PIP5K1C: variants seen among roughly 807,000 people sequenced by gnomAD.
PIP5K1C encodes the protein phosphatidylinositol 4-phosphate 5-kinase type-1 gamma.
Under a neutral mutation model 80.1 loss-of-function variants are expected in PIP5K1C, and 45 were observed. The observed-to-expected ratio is 0.56, with a 90% CI of 0.44 to 0.72. The LOEUF (loss-of-function observed/expected upper bound fraction) is 0.72, where lower values mean the gene tolerates loss of function less well. PIP5K1C is among the 30% of genes least tolerant of loss of function. PIP5K1C has a pLI of 0.00. For missense variants in PIP5K1C, 753 were observed against 954.6 expected (o/e 0.79, Z 2.78); for synonymous variants, 498 against 420.1 (o/e 1.19, Z -2.27).
intron 5 of PIP5K1C, among the ~76,000 whole-genome samples, chr19:3,658,387 T>C (rs954053449): frequency 6.6e-6 from 1 of 152,238 alleles, no homozygotes; most frequent in African/African-American, 2.4e-5. Context: ...AGGCCACTGC[T>C]GTCGCCCAGC....
intron 1 of PIP5K1C, among the ~76,000 whole-genome samples, chr19:3,679,539 G>A (rs182914494): frequency 9.2e-5 from 14 of 152,302 alleles, no homozygotes; most frequent in Admixed American, 2.0e-4. Flanking sequence ...TCTCGTTCAC[G>A]GTTGCTCTCC....
rs758011657 is a variant in PIP5K1C at position 3,653,557 on chromosome 19, G to C, written c.654C>G (p.Pro218=). ...GCACGCAGTACAGCCCATAGAACTTGGGCAGCAGCGTCCGCGGGTTCTGGT... is the reference window on the plus strand; with the variant it reads ...GCACGCAGTACAGCCCATAGAACTTCGGCAGCAGCGTCCGCGGGTTCTGGT... ...NLNQNPRTLL[P]KFYGLYCVQS... is the part of the protein sequence containing the mutation. Residue 218 remains proline (P), a synonymous_variant, in exon 7 of 18, where the codon CCC becomes CCG. Coordinates refer to ENST00000335312, the MANE Select transcript of PIP5K1C (RefSeq NM_012398.3). 7.5e-6 allele frequency: 12 copies of C among 1,609,754 alleles called. No homozygotes were observed. The highest frequency in any genetic ancestry group is 1.3e-5 in the African/African-American group (1 of 74,868).
At chr19:3,689,754 G>A (rs1369311874) in intron 1 of PIP5K1C, among the ~76,000 whole-genome samples, 1 of 152,074 alleles carries the variant, frequency 6.6e-6, no homozygotes, top group Non-Finnish European at 1.5e-5. Context: ...CAAATGGCCT[G>A]ACATAATCAC....
At chr19:3,635,979 CAAAA>C (rs778016991) in intron 16 of PIP5K1C, among the ~76,000 whole-genome samples, 90 of 151,014 alleles carry the variant, frequency 6.0e-4, no homozygotes, top group Non-Finnish European at 8.4e-4. Context: ...GACTCTGTCT[CAAAA>C]AACAAACAAA....
At chr19:3,654,232 G>A (rs1190342321) in intron 6 of PIP5K1C, among the ~76,000 whole-genome samples, 2 of 152,236 alleles carry the variant, frequency 1.3e-5, no homozygotes, top group Non-Finnish European at 2.9e-5. Flanking sequence ...GTCCCCAGGC[G>A]CAGTGACGAG....
At chr19:3,642,854 G>A in intron 14 of PIP5K1C, 53 bp downstream of exon 14, 1 of 1,459,994 alleles carries the variant, frequency 6.8e-7, no homozygotes, top group South Asian at 1.1e-5. Context: ...GGAGCTGGGA[G>A]CTGTGCAGGA....
chr19:3,637,565 G>T lies in PIP5K1C; in HGVS notation c.1920+1319C>A. 1 of 1,534,382 alleles carries T rather than the reference G, an allele frequency of 6.5e-7. No individual in the cohort carries two copies. The highest frequency in any genetic ancestry group is 1.2e-5 in the South Asian group (1 of 83,970). On this transcript the variant is annotated intron_variant, in intron 16 of 17. Coordinates refer to ENST00000335312, the MANE Select transcript of PIP5K1C (RefSeq NM_012398.3). The surrounding 1 kb of genome is among the most constrained non-coding windows in gnomAD (Gnocchi z 7.0). ...CCCGAGGCGCTCAGCGTCACGGCCCGCAGTCGGCGATGGCGGGGAGAGTAA... is the reference window on the plus strand; with the variant it reads ...CCCGAGGCGCTCAGCGTCACGGCCCTCAGTCGGCGATGGCGGGGAGAGTAA...
rs1312471396 is a variant in PIP5K1C, at chr19:3,632,944, G to A, written c.*223C>T. 2 of 532,252 alleles carry A rather than the reference G, an allele frequency of 3.8e-6. No individual in the cohort carries two copies. The highest frequency in any genetic ancestry group is 6.6e-6 in the Non-Finnish European group (2 of 301,152). The allele number at this position is 532,252 out of a possible 1,614,324, so 33.0% of individuals were successfully genotyped here. On this transcript the variant is annotated 3_prime_UTR_variant, in exon 18 of 18. Coordinates refer to ENST00000335312, the MANE Select transcript of PIP5K1C (RefSeq NM_012398.3). ...TCAAATGCGATTGGCCGCTCGGGAG[G>A]GTGGGTCTCACAGGGGCAGGCTGCC...
chr19:3,642,385 C>T (rs898000676), intron 14 of PIP5K1C, among the ~76,000 whole-genome samples: 6 of 152,244 alleles, frequency 3.9e-5, no homozygotes, highest in Non-Finnish European at 7.3e-5. Flanking sequence ...GATGGAAGGA[C>T]GGCACGCAGG....
intron 16 of PIP5K1C, among the ~76,000 whole-genome samples, chr19:3,633,768 G>A (rs961190528): frequency 6.6e-6 from 1 of 152,158 alleles, no homozygotes; most frequent in South Asian, 2.1e-4. Flanking sequence ...AGTTAGTTCA[G>A]TCGAGGCAGG....
At position 3,692,271 on chromosome 19, in the gene PIP5K1C, G is replaced by A. The variant is rs896025591; in HGVS notation, c.94+8026C>T. Among the ~76,000 whole-genome samples the A allele has an allele frequency of 2.0e-5, 3 of 152,152 alleles. No homozygotes were observed. The highest frequency in any genetic ancestry group is 4.4e-5 in the Non-Finnish European group (3 of 68,016). On this transcript the variant is annotated intron_variant, in intron 1 of 17. Transcript: ENST00000335312. The surrounding 1 kb of genome is among the most constrained non-coding windows in gnomAD (Gnocchi z 5.2). Reference sequence around the variant, plus strand: ...ATGGAACAGAGACACCGTCCACTGAGCACAGCCACCACCAGGGTCCCGACG... The same window carrying A: ...ATGGAACAGAGACACCGTCCACTGAACACAGCCACCACCAGGGTCCCGACG...
At chr19:3,694,239 A>C (rs1600098608) in intron 1 of PIP5K1C, among the ~76,000 whole-genome samples, 1 of 152,074 alleles carries the variant, frequency 6.6e-6, no homozygotes, top group Admixed American at 6.5e-5. Flanking sequence ...AAAATTTAAA[A>C]CAAAGGGAAG....
chr19:3,642,745 C>T (rs969887025), intron 14 of PIP5K1C, among the ~76,000 whole-genome samples, 162 bp downstream of exon 14: 1 of 151,936 alleles, frequency 6.6e-6, no homozygotes, highest in African/African-American at 2.4e-5. Flanking sequence ...AACAAAGTGG[C>T]TGGAAGATTG....
Position 3,700,359 on chromosome 19 carries a change from C to A in PIP5K1C, c.32G>T (p.Ser11Ile). 1 of 1,284,396 alleles carries A rather than the reference C, an allele frequency of 7.8e-7. No individual in the cohort carries two copies. Among genetic ancestry groups the A allele is most frequent in the Non-Finnish European group, 1.0e-6 (1 of 998,594 alleles). The allele number at this position is 1,284,396 out of a possible 1,614,324, so 79.6% of individuals were successfully genotyped here. Residue 11 changes from serine to isoleucine, a missense_variant, in exon 1 of 18, where the codon AGC (serine) becomes ATC (isoleucine). Coordinates refer to ENST00000335312, the MANE Select transcript of PIP5K1C (RefSeq NM_012398.3). ...CGAGGGCACGGCCCCCGCCTCAGCG[C>A]TCTCCGCCTCGTCCGGTACCTCCAG... is the stretch of plus-strand genomic sequence containing the variant. MELEVPDEAESAEAGAVPSEA... is the reference protein window; with the variant it reads MELEVPDEAEIAEAGAVPSEA...
chr19:3,680,268 C>T (rs1486088856), intron 1 of PIP5K1C, among the ~76,000 whole-genome samples: 1 of 152,180 alleles, frequency 6.6e-6, no homozygotes, highest in Non-Finnish European at 1.5e-5. Flanking sequence ...GGATGACACA[C>T]CACTGAGGCG....
intron 7 of PIP5K1C, 104 bp from the exon 8 acceptor site, chr19:3,652,135 C>T (rs2034475349): frequency 3.8e-6 from 4 of 1,051,360 alleles, no homozygotes; most frequent in African/African-American, 1.6e-5. Context: ...CCCGTGGGCT[C>T]GGGTGTGAGA....
rs77421332 is a variant in PIP5K1C, at chr19:3,652,342, T to C, written c.922-311A>G. ...CCTGAGAGACAGGGAGCCGGGCCTA[T>C]GCTCTGACCAGCCCAGGCCCATGGG... On this transcript the variant is annotated intron_variant, in intron 7 of 17. Coordinates refer to ENST00000335312, the MANE Select transcript of PIP5K1C (RefSeq NM_012398.3). Among the ~76,000 whole-genome samples, 1,341 of 152,350 alleles carry C rather than the reference T, an allele frequency of 8.8e-3. 25 individuals are homozygous for C. The highest frequency in any genetic ancestry group is 0.031 in the African/African-American group (1,299 of 41,588).
At chr19:3,655,107 C>CAAAAAA (rs545856738) in intron 6 of PIP5K1C, among the ~76,000 whole-genome samples, 3 of 45,866 alleles carry the variant, frequency 6.5e-5, no homozygotes, top group Non-Finnish European at 7.1e-5. Context: ...GACTCCATCT[C>CAAAAAA]AAAAAAAAAA....
In PIP5K1C at chr19:3,637,072, T is replaced by G; in HGVS notation, c.1920+1812A>C. 8 of 1,214,454 alleles carry G rather than the reference T, an allele frequency of 6.6e-6. No individual in the cohort carries two copies. Among genetic ancestry groups the G allele is most frequent in the Non-Finnish European group, 8.3e-6 (8 of 969,564 alleles). The allele number at this position is 1,214,454 out of a possible 1,614,324, so 75.2% of individuals were successfully genotyped here. On this transcript the variant is annotated intron_variant, in intron 16 of 17. Transcript: ENST00000335312. The surrounding 1 kb of genome is among the most constrained non-coding windows in gnomAD (Gnocchi z 7.0). ...AGAGACCATCTCCTCCCCGTCTCCA[T>G]GGCCCTGCGGTTCAGAGCCCGGCCC...
Sources: allele counts gnomAD v4.1 joint callset (sites outside exome capture counted in the v4.1 genomes callset), GRCh38; gene constraint gnomAD v4.1.1; non-coding constraint Gnocchi (gnomAD v3.1); transcripts MANE v1.5; gene names NCBI Gene and HGNC (gene_info 2026-07-23, HGNC 2026-07-21).